Variants in PLCG2 observed in about 807,000 individuals in gnomAD.
The protein encoded by PLCG2 is 1-phosphatidylinositol 4,5-bisphosphate phosphodiesterase gamma-2.
PLCG2 carries 69 observed loss-of-function variants against 175.6 expected under a neutral mutation model. That is an observed-to-expected ratio of 0.39 (90% CI 0.32 to 0.48). The LOEUF is 0.48. PLCG2 is among the 20% of genes least tolerant of loss of function. The probability of loss-of-function intolerance (pLI) is 0.91; values close to 1 mark genes in which losing one functional copy is unlikely to be tolerated. For synonymous variants in PLCG2, 827 were observed against 624.0 expected (o/e 1.33, Z -4.85); for missense variants, 1,798 against 1,650.9 (o/e 1.09, Z -1.54).
intron 2 of PLCG2, among the ~76,000 whole-genome samples, chr16:81,768,859 G>A (rs1057020401): frequency 3.9e-5 from 6 of 152,130 alleles, no homozygotes; most frequent in Non-Finnish European, 7.3e-5. Flanking sequence ...GAGCCACCGT[G>A]CCCAGCCTAT....
At chr16:81,916,337 A>G (rs754579298) in intron 19 of PLCG2, among the ~76,000 whole-genome samples, 2 of 152,078 alleles carry the variant, frequency 1.3e-5, no homozygotes, top group Admixed American at 6.5e-5. Context: ...AAAAATAAAT[A>G]TTTTAAAACA....
intron 20 of PLCG2, among the ~76,000 whole-genome samples, chr16:81,920,383 A>C (rs1457862577): frequency 6.6e-6 from 1 of 152,194 alleles, no homozygotes; most frequent in African/African-American, 2.4e-5. Flanking sequence ...TGCTTTGGGA[A>C]ATTTAGGTTC....
At chr16:81,889,135 C>T (rs1166699985) in intron 9 of PLCG2, 37 bp from the exon 10 acceptor site, 2 of 1,250,906 alleles carry the variant, frequency 1.6e-6, no homozygotes, top group Admixed American at 3.8e-5. Context: ...TATCAGTTCT[C>T]ACTTTGCTGA....
intron 2 of PLCG2, among the ~76,000 whole-genome samples, chr16:81,757,295 C>A (rs1018018145): frequency 1.3e-5 from 2 of 152,060 alleles, no homozygotes; most frequent in African/African-American, 4.8e-5. Context: ...GGAAACAAAA[C>A]ACACAAAACC....
intron 2 of PLCG2, among the ~76,000 whole-genome samples, chr16:81,821,248 G>C (rs1904786479): frequency 6.6e-6 from 1 of 152,242 alleles, no homozygotes; most frequent in African/African-American, 2.4e-5. Context: ...TAACATGTGA[G>C]TGATTAGAAT....
intron 1 of PLCG2, among the ~76,000 whole-genome samples, chr16:81,741,736 G>T (rs992022837): frequency 6.6e-6 from 1 of 152,102 alleles, no homozygotes; most frequent in Non-Finnish European, 1.5e-5. Context: ...GCTTGAACCC[G>T]GGAGGCAGAG....
At chr16:81,906,816 G>GA (rs1342224808) in intron 15 of PLCG2, among the ~76,000 whole-genome samples, 2 of 152,180 alleles carry the variant, frequency 1.3e-5, no homozygotes, top group African/African-American at 4.8e-5. Flanking sequence ...GAGGAAGGCA[G>GA]ATTACGAGGT....
intron 2 of PLCG2, among the ~76,000 whole-genome samples, chr16:81,794,118 C>G (rs939552974): frequency 2.6e-5 from 4 of 152,082 alleles, no homozygotes; most frequent in Non-Finnish European, 4.4e-5. Context: ...AGAAAGGAGA[C>G]TCAGTGCTCA....
chr16:81,856,757 C>G (rs1906705429), intron 3 of PLCG2, among the ~76,000 whole-genome samples: 1 of 152,286 alleles, frequency 6.6e-6, no homozygotes, highest in African/African-American at 2.4e-5. Flanking sequence ...ATATATTATC[C>G]TCTATGGAAA....
intron 27 of PLCG2, among the ~76,000 whole-genome samples, chr16:81,936,584 G>A (rs908607156): frequency 6.6e-6 from 1 of 152,162 alleles, no homozygotes; most frequent in Non-Finnish European, 1.5e-5. Context: ...CTTGGCTTAC[G>A]CAGGCTTCGT....
chr16:81,878,394 T>C (rs745615691), intron 7 of PLCG2, among the ~76,000 whole-genome samples: 1 of 152,138 alleles, frequency 6.6e-6, no homozygotes, highest in Non-Finnish European at 1.5e-5. Flanking sequence ...CCAAAGAAGG[T>C]CATGCCCATG....
At chr16:81,784,556 G>C (rs187781861) in intron 1 of PLCG2, among the ~76,000 whole-genome samples, 1 of 152,292 alleles carries the variant, frequency 6.6e-6, no homozygotes, top group East Asian at 1.9e-4. Context: ...GTAACCTTGA[G>C]AGCTACAGAG....
intron 2 of PLCG2, among the ~76,000 whole-genome samples, chr16:81,761,898 C>T (rs1055383596): frequency 7.0e-6 from 1 of 141,856 alleles, no homozygotes; most frequent in Non-Finnish European, 1.5e-5. Flanking sequence ...GTGGTGTGAT[C>T]TCGGCTCACT....
At chr16:81,759,246 C>T (rs1157482639) in intron 2 of PLCG2, among the ~76,000 whole-genome samples, 1 of 152,092 alleles carries the variant, frequency 6.6e-6, no homozygotes, top group Non-Finnish European at 1.5e-5. Context: ...TCTGTAGGCT[C>T]CAGTTCCTTC....
At chr16:81,893,657 C>A (rs1354838769) in intron 11 of PLCG2, 52 bp from the exon 12 acceptor site, 3 of 1,132,350 alleles carry the variant, frequency 2.6e-6, no homozygotes, top group East Asian at 4.7e-5. Context: ...GGCTTGCCCC[C>A]CAACCCCTGT....
chr16:81,916,320 A>G (rs1014904974), intron 19 of PLCG2, among the ~76,000 whole-genome samples: 1 of 152,100 alleles, frequency 6.6e-6, no homozygotes. Context: ...GTTTTTTAAA[A>G]AAAGAAAAAA....
intron 24 of PLCG2, among the ~76,000 whole-genome samples, chr16:81,930,981 A>G (rs1279428601): frequency 1.3e-5 from 2 of 152,216 alleles, no homozygotes; most frequent in Non-Finnish European, 2.9e-5. Context: ...GAGTGTAAAA[A>G]GCATTTTCTA....
At chr16:81,863,031 G>A (rs547185378) in intron 5 of PLCG2, among the ~76,000 whole-genome samples, 1 of 152,206 alleles carries the variant, frequency 6.6e-6, no homozygotes, top group Non-Finnish European at 1.5e-5. Context: ...TTGTTTTATT[G>A]TGGTAACAAC....
rs748560045 is a variant in PLCG2 at position 81,910,523 on chromosome 16, G to T, written c.1737G>T (p.Arg579=). Residue 579 remains arginine (R), a synonymous_variant, in exon 18 of 33, where the codon CGG becomes CGT. Transcript: ENST00000564138. ...FPNDYTLSFW[R]SGRVQHCRIR... is the part of the protein sequence containing the mutation. Reference sequence around the variant, plus strand: ...TGATGGCGTCCTCTCCCCGCAGGCGGTCAGGCCGGGTCCAGCACTGCCGGA... The same window carrying T: ...TGATGGCGTCCTCTCCCCGCAGGCGTTCAGGCCGGGTCCAGCACTGCCGGA... 2.5e-6 allele frequency: 4 copies of T among 1,613,848 alleles called. No homozygotes were observed. The highest frequency in any genetic ancestry group is 3.4e-6 in the Non-Finnish European group (4 of 1,179,968).
Sources: allele counts gnomAD v4.1 joint callset (sites outside exome capture counted in the v4.1 genomes callset), GRCh38; gene constraint gnomAD v4.1.1; transcripts MANE v1.5; gene names NCBI Gene and HGNC (gene_info 2026-07-23, HGNC 2026-07-21).